GLIS3: variants seen among roughly 807,000 people sequenced by gnomAD.
GLIS3 encodes the protein GLIS family zinc finger 3.
In GLIS3, 53 loss-of-function variants were observed where a neutral mutation model predicts 78.6. That is an observed-to-expected ratio of 0.67 (90% confidence interval 0.54 to 0.85). GLIS3 has a LOEUF of 0.85. Ranked by LOEUF, GLIS3 falls within the 40% of genes least tolerant of loss-of-function variation. The pLI, the probability that GLIS3 is intolerant of heterozygous loss-of-function variation, is 0.00. For missense variants in GLIS3, 1,703 were observed against 1,231.1 expected, an observed-to-expected ratio of 1.38 and a Z score of -5.74; for synonymous variants, 684 against 509.9, an observed-to-expected ratio of 1.34 and a Z score of -4.60.
chr9:4,394,301 A>G, the GLIS3 span, among the ~76,000 whole-genome samples: 1 of 150,540 alleles, frequency 6.6e-6, no homozygotes. Context: ...AATTATTTAA[A>G]TTAAATAATT....
Position 4,138,828 on chromosome 9 carries a change from C to A in GLIS3, c.389-12887G>T, listed in dbSNP as rs552021935. 4.5e-4 allele frequency among the ~76,000 whole-genome samples: 68 copies of A among 152,322 alleles called. 1 individual carries two copies. Among genetic ancestry groups the A allele is most frequent in the African/African-American group, 1.6e-3 (66 of 41,560 alleles). The stretch of plus-strand genomic sequence containing the variant: ...CAGCACACAGTAAGTACTCTATAAG[C>A]TGTAGGCATTCATATTCTTACTAAG... On this transcript the variant is annotated intron_variant, in intron 2 of 10. Transcript: ENST00000381971.
chr9:3,961,900 T>A (rs1382134141), intron 4 of GLIS3, among the ~76,000 whole-genome samples: 1 of 152,022 alleles, frequency 6.6e-6, no homozygotes, highest in Non-Finnish European at 1.5e-5. Flanking sequence ...GACATAAACA[T>A]GGAATATGAA....
chr9:3,944,737 T>C (rs1210679318), intron 4 of GLIS3, among the ~76,000 whole-genome samples: 1 of 152,244 alleles, frequency 6.6e-6, no homozygotes, highest in African/African-American at 2.4e-5. Context: ...TGCATAAACA[T>C]ACCTGTCTCA....
chr9:4,193,177 A>G (rs1320017301), intron 2 of GLIS3, among the ~76,000 whole-genome samples: 1 of 152,282 alleles, frequency 6.6e-6, no homozygotes, highest in Non-Finnish European at 1.5e-5. Flanking sequence ...ATAGCCTGCG[A>G]GACTTTTGTA....
In GLIS3 at chr9:4,328,390, C is replaced by G. The variant is rs541716971; in HGVS notation, n.265-17862G>C. The stretch of plus-strand genomic sequence containing the variant: ...CAGCAGCAGATAGAGGTGTTCATGG[C>G]TCAGAGAGTCAGGAAAACAGGGAGC... On this transcript the variant is annotated intron_variant and non_coding_transcript_variant, in intron 2 of 4. Transcript: ENST00000471664. Among the ~76,000 whole-genome samples, 62 of 152,274 alleles carry G rather than the reference C, an allele frequency of 4.1e-4. 1 individual carries two copies. Among genetic ancestry groups the G allele is most frequent in the African/African-American group, 1.5e-3 (62 of 41,556 alleles).
At chr9:4,390,622 G>A in the GLIS3 span, among the ~76,000 whole-genome samples, 5 of 152,240 alleles carry the variant, frequency 3.3e-5, no homozygotes, top group East Asian at 9.7e-4. Flanking sequence ...AGATATCTGT[G>A]GTGACCCTCT....
intron 4 of GLIS3, among the ~76,000 whole-genome samples, chr9:3,961,965 G>C (rs1421162845): frequency 2.0e-5 from 3 of 152,182 alleles, no homozygotes; most frequent in African/African-American, 7.2e-5. Flanking sequence ...AGCACTTTGG[G>C]AGGCCGAGGC....
chr9:4,355,588 AAG>A, the GLIS3 span, among the ~76,000 whole-genome samples: 1 of 152,198 alleles, frequency 6.6e-6, no homozygotes, highest in East Asian at 1.9e-4. Flanking sequence ...GATCTCAGAA[AAG>A]AGGGGAAGGA....
At chr9:4,056,749 C>G (rs1326462881) in intron 4 of GLIS3, among the ~76,000 whole-genome samples, 1 of 151,840 alleles carries the variant, frequency 6.6e-6, no homozygotes, top group African/African-American at 2.4e-5. Flanking sequence ...ACTATGACGT[C>G]AAATGGGCAC....
intron 2 of GLIS3, among the ~76,000 whole-genome samples, chr9:4,312,800 C>T (rs1199330110): frequency 1.3e-5 from 2 of 152,210 alleles, no homozygotes; most frequent in Non-Finnish European, 1.5e-5. Flanking sequence ...TCAGCCAGAT[C>T]ATTTAATCTC....
intron 4 of GLIS3, among the ~76,000 whole-genome samples, chr9:4,091,104 C>G (rs888724327): frequency 2.0e-5 from 3 of 152,098 alleles, no homozygotes; most frequent in African/African-American, 7.2e-5. Context: ...CCTGTAATCC[C>G]AACATTTTGG....
chr9:4,444,204 A>T, the GLIS3 span, among the ~76,000 whole-genome samples: 1 of 152,218 alleles, frequency 6.6e-6, no homozygotes, highest in Non-Finnish European at 1.5e-5. Context: ...ATCAGCATAA[A>T]AAGACATACA....
chr9:4,222,458 C>A (rs1821412644), intron 2 of GLIS3, among the ~76,000 whole-genome samples: 1 of 152,140 alleles, frequency 6.6e-6, no homozygotes, highest in South Asian at 2.1e-4. Flanking sequence ...CTACCCTATC[C>A]CCCTGTGTTT....
chr9:4,335,931 A>G (rs1283641123), intron 2 of GLIS3, among the ~76,000 whole-genome samples: 1 of 152,164 alleles, frequency 6.6e-6, no homozygotes, highest in African/African-American at 2.4e-5. Context: ...TAAGGTAAAA[A>G]TTTGCGGACT....
At chr9:4,311,173 C>G (rs545984340) in intron 2 of GLIS3, among the ~76,000 whole-genome samples, 3 of 152,340 alleles carry the variant, frequency 2.0e-5, no homozygotes, top group Admixed American at 6.5e-5. Flanking sequence ...CTTTGGGAGG[C>G]TGAGGCAGGC....
the GLIS3 span, among the ~76,000 whole-genome samples, chr9:4,388,277 G>T: frequency 6.6e-6 from 1 of 152,108 alleles, no homozygotes; most frequent in East Asian, 1.9e-4. Flanking sequence ...GATAATAGAA[G>T]TAAGTCTTAA....
At chr9:4,386,064 G>A in the GLIS3 span, among the ~76,000 whole-genome samples, 1 of 152,170 alleles carries the variant, frequency 6.6e-6, no homozygotes, top group Admixed American at 6.5e-5. Context: ...CCTCTGGGGT[G>A]AGAATTTATC....
intron 4 of GLIS3, among the ~76,000 whole-genome samples, chr9:4,024,703 G>A (rs776009835): frequency 2.0e-5 from 3 of 152,170 alleles, no homozygotes; most frequent in Non-Finnish European, 4.4e-5. Context: ...ACAGAGGCCA[G>A]GACTTTTAAG....
intron 2 of GLIS3, among the ~76,000 whole-genome samples, chr9:4,130,364 A>G (rs1273006238): frequency 2.6e-5 from 4 of 152,246 alleles, no homozygotes; most frequent in Non-Finnish European, 2.9e-5. Context: ...GAAGGCCCCA[A>G]AAGCATTTCA....
Sources: allele counts gnomAD v4.1 joint callset (sites outside exome capture counted in the v4.1 genomes callset), GRCh38; gene constraint gnomAD v4.1.1; transcripts MANE v1.5; gene names NCBI Gene and HGNC (gene_info 2026-07-23, HGNC 2026-07-21).